The following SRCAP variants were observed in gnomAD, a reference collection of about 807,000 sequenced individuals.
The protein encoded by SRCAP is Snf2 related CREBBP activator protein, also known as chromatin remodeling protein SRCAP.
Under a neutral mutation model 263.1 loss-of-function variants are expected in SRCAP, and 46 were observed. The observed-to-expected ratio is 0.17, with a 90% CI of 0.14 to 0.22. The LOEUF is 0.22. Ranked by LOEUF, SRCAP falls within the 10% of genes least tolerant of loss-of-function variation. The pLI, the probability that SRCAP is intolerant of heterozygous loss-of-function variation, is 1.00. For synonymous variants in SRCAP, 1,813 were observed against 1,662.1 expected, an observed-to-expected ratio of 1.09 and a Z score of -2.21; for missense variants, 3,695 against 4,181.9, an observed-to-expected ratio of 0.88 and a Z score of 3.21.
chr16:30,736,125 C>G, intron 31 of SRCAP, 75 bp from the exon 32 acceptor site: 3 of 1,578,506 alleles, frequency 1.9e-6, no homozygotes, highest in Non-Finnish European at 2.6e-6. Flanking sequence ...GTCTCAAGTT[C>G]TTGCCTGAAT....
In SRCAP at chr16:30,712,102, T is replaced by C; in HGVS notation, c.1760T>C (p.Ile587Thr). 6.2e-7 allele frequency: 1 copy of C among 1,614,140 alleles called. No individual in the cohort carries two copies. The highest frequency in any genetic ancestry group is 8.5e-7 in the Non-Finnish European group (1 of 1,180,030). ...GGTCCAAAGAAAGAAATTACTGACA[T>C]TGCTGCAGCAGCTGAAAGTCTCCAG... ...TLGPKKEITD[I>T]AAAAESLQPK... The change falls in exon 12 of 34, where the codon ATT becomes ACT. Residue 587 changes from isoleucine to threonine, a missense_variant. Around this residue, in one of 12 missense-constraint regions of SRCAP, gnomAD observed 121 missense variants for 330.7 expected, o/e 0.37. Coordinates refer to ENST00000262518, the MANE Select transcript of SRCAP (RefSeq NM_006662.3).
intron 27 of SRCAP, 47 bp downstream of exon 27, chr16:30,729,619 T>G (rs1407837812): frequency 6.9e-6 from 11 of 1,604,756 alleles, no homozygotes; most frequent in African/African-American, 1.3e-5. Flanking sequence ...CTTCTTTTCT[T>G]AGTATTAAGA....
intron 30 of SRCAP, 60 bp from the exon 31 acceptor site, chr16:30,734,436 G>A (rs1204966414): frequency 6.2e-6 from 10 of 1,608,364 alleles, no homozygotes; most frequent in Non-Finnish European, 8.5e-6. Context: ...CAGCCTTACA[G>A]CTTAGACCTA....
In SRCAP at chr16:30,724,988, C is replaced by T; in HGVS notation, c.5564C>T (p.Ser1855Phe). The T allele has an allele frequency of 6.2e-7, 1 of 1,614,234 alleles. No individual in the cohort carries two copies. The part of the protein sequence containing the change: ...KDEPDTLTLR[S>F]GPPSPPSTAT... Reference sequence around the variant, plus strand: ...GAGCCTGACACACTGACATTGCGCTCTGGTCCCCCCAGCCCTCCCTCCACT... The same window carrying T: ...GAGCCTGACACACTGACATTGCGCTTTGGTCCCCCCAGCCCTCCCTCCACT... The change falls in exon 25 of 34, where the codon TCT becomes TTT. Residue 1855 changes from serine to phenylalanine, a missense_variant. Transcript: ENST00000262518.
chr16:30,707,640 G>A lies in SRCAP; in HGVS notation c.561G>A (p.Glu187=). The change falls in exon 6 of 34, where the codon GAG becomes GAA. Residue 187 remains glutamate (E), a synonymous_variant. Coordinates refer to ENST00000262518, the MANE Select transcript of SRCAP (RefSeq NM_006662.3). ...RQKEERARRE[E]QAKLRRIAST... The stretch of plus-strand genomic sequence containing the variant: ...AAGAGGAACGGGCCCGGAGGGAGGA[G>A]CAGGCCAAGCTGCGTCGAATTGCTT... 6.2e-7 allele frequency: 1 copy of A among 1,614,164 alleles called. No homozygotes were observed. The highest frequency in any genetic ancestry group is 8.5e-7 in the Non-Finnish European group (1 of 1,180,040).
Position 30,737,995 on chromosome 16 carries a change from T to A in SRCAP, c.7955T>A (p.Leu2652Gln). 6.2e-7 allele frequency: 1 copy of A among 1,614,066 alleles called. No individual in the cohort carries two copies. Among genetic ancestry groups the A allele is most frequent in the Non-Finnish European group, 8.5e-7 (1 of 1,180,030 alleles). The change falls in exon 34 of 34, where the codon CTG becomes CAG. Residue 2652 changes from leucine to glutamine, a missense_variant. Physicochemically the swap from Leu to Gln is moderately radical, Grantham distance 113 (BLOSUM62 -2). Coordinates refer to ENST00000262518, the MANE Select transcript of SRCAP (RefSeq NM_006662.3). ...LPLCVSESNG[L>Q]ELPPSAASDE... ...CTGTGTGTGAGTGAGAGCAATGGCC[T>A]GGAGCTCCCACCCTCAGCAGCATCT...
At position 30,720,170 on chromosome 16, in the gene SRCAP, C is replaced by G; in HGVS notation, c.2826C>G (p.Asp942Glu). The change falls in exon 19 of 34, where the codon GAC (aspartate) becomes GAG (glutamate). Residue 942 changes from aspartate (D) to glutamate (E), a missense_variant. Coordinates refer to ENST00000262518, the MANE Select transcript of SRCAP (RefSeq NM_006662.3). ...TTTCTTTCTTGTGGCAGCGGATAGACATGGGTCGATTTGACCTTATTGGCC... is the reference window on the plus strand; with the variant it reads ...TTTCTTTCTTGTGGCAGCGGATAGAGATGGGTCGATTTGACCTTATTGGCC... Reference protein sequence around the residue: ...ATDVHPLQRIDMGRFDLIGLE... With the variant: ...ATDVHPLQRIEMGRFDLIGLE... The G allele has an allele frequency of 6.2e-7, 1 of 1,608,864 alleles. No homozygotes were observed. The highest frequency in any genetic ancestry group is 8.5e-7 in the Non-Finnish European group (1 of 1,175,592).
At chr16:30,709,446 A>G in intron 6 of SRCAP, 67 bp from the exon 7 acceptor site, 1 of 1,568,448 alleles carries the variant, frequency 6.4e-7, no homozygotes. Context: ...GTCTCCCTAA[A>G]CATCGGGTAA....
intron 16 of SRCAP, among the ~76,000 whole-genome samples, chr16:30,715,252 A>G (rs994082639): frequency 4.6e-5 from 7 of 152,228 alleles, no homozygotes; most frequent in African/African-American, 1.7e-4. Context: ...AATCACTATC[A>G]TTCGGTAAAC....
At chr16:30,734,082 GA>G (rs1187751437) in intron 30 of SRCAP, 74 bp downstream of exon 30, 2 of 1,351,262 alleles carry the variant, frequency 1.5e-6, no homozygotes, top group Admixed American at 2.2e-5. Flanking sequence ...GTTTATTAAA[GA>G]AGACTGCTTT....
In SRCAP at chr16:30,729,542, C is replaced by G; in HGVS notation, c.6097C>G (p.Pro2033Ala). 1 of 1,614,172 alleles carries G rather than the reference C, an allele frequency of 6.2e-7. No individual in the cohort carries two copies. The highest frequency in any genetic ancestry group is 8.5e-7 in the Non-Finnish European group (1 of 1,180,042). ...RIVCNMRTQF[P>A]DLRLIQYDCG... ...TGTGTGTAACATGCGCACCCAGTTC[C>G]CTGACTTAAGACTCATCCAGTATGA... Residue 2033 changes from proline (P) to alanine (A), a missense_variant, in exon 27 of 34, where the codon CCT becomes GCT. Pro to Ala is a conservative substitution (Grantham distance 27). Coordinates refer to ENST00000262518, the MANE Select transcript of SRCAP (RefSeq NM_006662.3).
intron 27 of SRCAP, among the ~76,000 whole-genome samples, chr16:30,731,994 A>C (rs182917356): frequency 6.6e-6 from 1 of 151,688 alleles, no homozygotes; most frequent in East Asian, 2.0e-4. Context: ...AAAATACAAA[A>C]ATTAGCCAGG....
Position 30,739,316 on chromosome 16 carries a change from T to A in SRCAP, c.9276T>A (p.Asp3092Glu). 6.2e-7 allele frequency: 1 copy of A among 1,614,164 alleles called. No homozygotes were observed. Among genetic ancestry groups the A allele is most frequent in the Non-Finnish European group, 8.5e-7 (1 of 1,180,008 alleles). The change falls in exon 34 of 34, where the codon GAT becomes GAA. Residue 3092 changes from aspartate (D) to glutamate (E), a missense_variant. Asp to Glu is a conservative substitution (Grantham distance 45). Transcript: ENST00000262518. The part of the protein sequence containing the change: ...GGSMVVAVIQ[D>E]DLDLADSGPG... ...CCATGGTGGTGGCTGTAATTCAGGATGACCTGGACTTAGCAGATAGCGGGC... is the reference window on the plus strand; with the variant it reads ...CCATGGTGGTGGCTGTAATTCAGGAAGACCTGGACTTAGCAGATAGCGGGC...
chr16:30,734,352 A>T (rs1596664773), intron 30 of SRCAP, 144 bp from the exon 31 acceptor site: 1 of 1,286,066 alleles, frequency 7.8e-7, no homozygotes, highest in African/African-American at 1.5e-5. Flanking sequence ...AAAAGAAAAA[A>T]CAAAAAGGAC....
rs2053051966 is a variant in SRCAP, at chr16:30,725,157, A to G, written c.5658+75A>G. 2.0e-6 allele frequency: 3 copies of G among 1,525,976 alleles called. No homozygotes were observed. The South Asian group carries it at 3.9e-5, about 20-fold the overall frequency. 94.5% of individuals were successfully genotyped at this position (1,525,976 alleles called of 1,614,324 possible). On this transcript the variant is annotated intron_variant, in intron 25 of 33. Coordinates refer to ENST00000262518, the MANE Select transcript of SRCAP (RefSeq NM_006662.3). Reference sequence around the variant, plus strand: ...TGTTGGTAGGGTGGATGGAACAGTGATGTCACATTTAACCTGGTGAATTAC... The same window carrying G: ...TGTTGGTAGGGTGGATGGAACAGTGGTGTCACATTTAACCTGGTGAATTAC...
rs767888730 is a variant in SRCAP, at chr16:30,737,621, C to T, written c.7581C>T (p.Leu2527=). 4 of 1,614,074 alleles carry T rather than the reference C, an allele frequency of 2.5e-6. No individual in the cohort carries two copies. The highest frequency in any genetic ancestry group is 2.2e-5 in the South Asian group (2 of 91,082). Residue 2527 remains leucine (L), a synonymous_variant, in exon 34 of 34, where the codon CTC becomes CTT. Coordinates refer to ENST00000262518, the MANE Select transcript of SRCAP (RefSeq NM_006662.3). ...QTCLVTPSSP[L]LLGPPSVPIS... Reference sequence around the variant, plus strand: ...GTCTTGTAACTCCTTCCTCTCCTCTCTTGCTTGGTCCACCTTCTGTGCCCA... The same window carrying T: ...GTCTTGTAACTCCTTCCTCTCCTCTTTTGCTTGGTCCACCTTCTGTGCCCA...
rs1344616436 is a variant in SRCAP at position 30,739,129 on chromosome 16, C to T, written c.9089C>T (p.Thr3030Ile). ...CTCCCCGTCTTGGACCGTGACAGCA[C>T]TTCTGTTCTCGAGAGCTGTGGATTG... Reference protein sequence around the residue: ...SQLPVLDRDSTSVLESCGLGR... With the variant: ...SQLPVLDRDSISVLESCGLGR... The change falls in exon 34 of 34, where the codon ACT (threonine) becomes ATT (isoleucine). Residue 3030 changes from threonine (T) to isoleucine (I), a missense_variant. Transcript: ENST00000262518. 1.2e-6 allele frequency: 2 copies of T among 1,614,212 alleles called. No individual in the cohort carries two copies. Among genetic ancestry groups the T allele is most frequent in the Admixed American group, 3.3e-5 (2 of 60,024 alleles).
In SRCAP at chr16:30,736,209, C is replaced by T; in HGVS notation, c.6739C>T (p.Arg2247Trp). ...TTATACACCCTGGTAGGCATTGTGT[C>T]GGGCAGAAGATGAAGAGGATATCCG... ...QTHILEQALCRAEDEEDIRAA... is the reference protein window; with the variant it reads ...QTHILEQALCWAEDEEDIRAA... The change falls in exon 32 of 34, where the codon CGG (arginine) becomes TGG (tryptophan). Residue 2247 changes from arginine to tryptophan, a missense_variant. Around this residue, in one of 12 missense-constraint regions of SRCAP, gnomAD observed 53 missense variants for 45.6 expected, o/e 1.16. Coordinates refer to ENST00000262518, the MANE Select transcript of SRCAP (RefSeq NM_006662.3). The T allele has an allele frequency of 1.2e-6, 2 of 1,613,992 alleles. No individual in the cohort carries two copies. Among genetic ancestry groups the T allele is most frequent in the Non-Finnish European group, 1.7e-6 (2 of 1,180,038 alleles).
intron 14 of SRCAP, 105 bp downstream of exon 14, chr16:30,712,920 A>T (rs190530214): frequency 9.9e-5 from 137 of 1,386,636 alleles, no homozygotes; most frequent in East Asian, 5.3e-4. Context: ...TTTAAAAAAA[A>T]TTTTTTAATT....
Sources: allele counts gnomAD v4.1 joint callset (sites outside exome capture counted in the v4.1 genomes callset), GRCh38; gene constraint gnomAD v4.1.1; regional missense constraint gnomAD v4.1.1; transcripts MANE v1.5; gene names NCBI Gene and HGNC (gene_info 2026-07-23, HGNC 2026-07-21).